MDGA1: variants seen among roughly 807,000 people sequenced by gnomAD.
MDGA1 encodes the protein MAM domain-containing glycosylphosphatidylinositol anchor protein 1.
Under a neutral mutation model 101.5 loss-of-function variants are expected in MDGA1, and 54 were observed. That is an observed-to-expected ratio of 0.53 (90% CI 0.43 to 0.67). The LOEUF (loss-of-function observed/expected upper bound fraction) is 0.67. MDGA1 is among the 30% of genes least tolerant of loss of function. The pLI is 0.00. For synonymous variants in MDGA1, 533 were observed against 558.3 expected (o/e 0.95, Z 0.64); for missense variants, 1,083 against 1,323.8 (o/e 0.82, Z 2.82).
chr6:37,642,014 A>T (rs1172852819), intron 14 of MDGA1: 1 of 152,132 alleles, frequency 6.6e-6, no homozygotes, highest in Non-Finnish European at 1.5e-5. Flanking sequence ...GTCTACCATT[A>T]CGGCTGAGGA....
rs78330316 is a variant in MDGA1, at chr6:37,678,369, C to T, written c.68-14263G>A. On this transcript the variant is annotated intron_variant, in intron 1 of 16. Coordinates refer to ENST00000434837, the MANE Select transcript of MDGA1 (RefSeq NM_153487.4). Reference sequence around the variant, plus strand: ...GATGCCACCCTAGTCTTAGCCCCCACTCCCGAGGCCTGCCTGGCTTGTGAC... The same window carrying T: ...GATGCCACCCTAGTCTTAGCCCCCATTCCCGAGGCCTGCCTGGCTTGTGAC... 5.7e-3 allele frequency among the ~76,000 whole-genome samples: 865 copies of T among 152,262 alleles called. 13 individuals are homozygous for T. The highest frequency in any genetic ancestry group is 0.02 in the African/African-American group (816 of 41,542).
In MDGA1 at chr6:37,636,723, G is replaced by C. The variant is rs562691323; in HGVS notation, c.*645C>G. The C allele has an allele frequency of 6.5e-6, 1 of 152,718 alleles. No homozygotes were observed. The highest frequency in any genetic ancestry group is 1.5e-5 in the Non-Finnish European group (1 of 68,098). 9.5% of individuals were successfully genotyped at this position (152,718 alleles called of 1,614,324 possible). A position where few individuals can be genotyped will look rare whatever the true frequency, so the allele number is the denominator to read the frequency against. On this transcript the variant is annotated 3_prime_UTR_variant, in exon 17 of 17. Transcript: ENST00000434837. Reference sequence around the variant, plus strand: ...CCCAGAAATAGGTCAAGGAATCTGGGGTGACCTATGGTCTCCACCATCCAG... The same window carrying C: ...CCCAGAAATAGGTCAAGGAATCTGGCGTGACCTATGGTCTCCACCATCCAG...
chr6:37,648,576 G>A, intron 9 of MDGA1: 1 of 232,512 alleles, frequency 4.3e-6, no homozygotes, highest in Non-Finnish European at 8.3e-6. Context: ...GGTGCTGGTA[G>A]AGAGGCGAAG....
intron 1 of MDGA1, among the ~76,000 whole-genome samples, chr6:37,689,721 T>A (rs1561865404): frequency 6.6e-6 from 1 of 152,318 alleles, no homozygotes; most frequent in East Asian, 1.9e-4. Context: ...GTTCAACCTG[T>A]TATCACTGTG....
intron 1 of MDGA1, among the ~76,000 whole-genome samples, chr6:37,684,294 C>A (rs1762154145): frequency 6.6e-6 from 1 of 152,208 alleles, no homozygotes; most frequent in Admixed American, 6.5e-5. Context: ...CACCTTCCTA[C>A]CCACAAGGGC....
At chr6:37,676,902 GAA>G (rs564072339) in intron 1 of MDGA1, among the ~76,000 whole-genome samples, 1 of 71,466 alleles carries the variant, frequency 1.4e-5, no homozygotes, top group Non-Finnish European at 2.8e-5. Flanking sequence ...CATCTCAACA[GAA>G]AAAAAAAAAA....
At position 37,649,131 on chromosome 6, in the gene MDGA1, A is replaced by G. The variant is rs950618708; in HGVS notation, c.1745T>C (p.Leu582Pro). 7.3e-6 allele frequency: 11 copies of G among 1,513,690 alleles called. No individual in the cohort carries two copies. In the Admixed American group the frequency reaches 8.4e-5, roughly 12 times the overall value. The allele number at this position is 1,513,690 out of a possible 1,614,324, so 93.8% of individuals were successfully genotyped here. Residue 582 changes from leucine (L) to proline (P), a missense_variant, in exon 9 of 17, where the codon CTG (leucine) becomes CCG (proline). Transcript: ENST00000434837. ...SAVWRFKGQLLPPPPVVPAAA... is the reference protein window; with the variant it reads ...SAVWRFKGQLPPPPPVVPAAA... ...GGCGGGAACAACAGGCGGCGGCGGC[A>G]GCAGCTGCCCTTTGAAACGCCACAC...
At chr6:37,645,397 G>A (rs949585809) in intron 12 of MDGA1, among the ~76,000 whole-genome samples, 4 of 152,238 alleles carry the variant, frequency 2.6e-5, no homozygotes, top group South Asian at 2.1e-4. Context: ...AGCCAGGTGC[G>A]GTGGCACATG....
chr6:37,690,856 G>A (rs1762295081), intron 1 of MDGA1, among the ~76,000 whole-genome samples: 1 of 151,010 alleles, frequency 6.6e-6, no homozygotes. Context: ...CAACTGAACA[G>A]CTCACGAACT....
intron 1 of MDGA1, 140 bp from the exon 2 acceptor site, chr6:37,664,246 G>T: frequency 9.4e-7 from 1 of 1,065,468 alleles, no homozygotes; most frequent in Non-Finnish European, 1.4e-6. Context: ...ACCCCACTGA[G>T]CCCAGGAAAG....
chr6:37,643,777 C>T (rs1764149751), intron 14 of MDGA1, 32 bp downstream of exon 14: 1 of 1,612,514 alleles, frequency 6.2e-7, no homozygotes, highest in African/African-American at 1.3e-5. Flanking sequence ...CCAGCACACA[C>T]TTGGTGGAGA....
In MDGA1 at chr6:37,631,961, C is replaced by G. The variant is rs1763830186; in HGVS notation, c.*5407G>C. 1.3e-5 allele frequency: 2 copies of G among 152,170 alleles called. No individual in the cohort carries two copies. The highest frequency in any genetic ancestry group is 4.8e-5 in the African/African-American group (2 of 41,406). 9.4% of individuals were successfully genotyped at this position (152,170 alleles called of 1,614,324 possible). A position where few individuals can be genotyped will look rare whatever the true frequency, so the allele number is the denominator to read the frequency against. ...CCGAGAAGGGAAAATGGCATTTCAA[C>G]CACCATACCAACTTTAGTCCTCCTC... On this transcript the variant is annotated 3_prime_UTR_variant, in exon 17 of 17. Coordinates refer to ENST00000434837, the MANE Select transcript of MDGA1 (RefSeq NM_153487.4).
chr6:37,660,309 C>A (rs1023739029), intron 2 of MDGA1, among the ~76,000 whole-genome samples: 1 of 151,968 alleles, frequency 6.6e-6, no homozygotes, highest in Admixed American at 6.6e-5. Flanking sequence ...AGCCACTGCA[C>A]CTGGTCCTTC....
chr6:37,642,179 C>CTTTTTTTT (rs34171567), intron 14 of MDGA1, among the ~76,000 whole-genome samples: 1 of 109,348 alleles, frequency 9.1e-6, no homozygotes, highest in Non-Finnish European at 1.8e-5. Flanking sequence ...TGGTTTCTTT[C>CTTTTTTTT]TTTTTTTTTT....
rs182538706 is a variant in MDGA1, at chr6:37,650,523, A to G, written c.1313-118T>C. 4.4e-4 allele frequency: 496 copies of G among 1,117,576 alleles called. No homozygotes were observed. In the African/African-American group the frequency reaches 6.6e-3, roughly 15 times the overall value. 69.2% of individuals were successfully genotyped at this position (1,117,576 alleles called of 1,614,324 possible). On this transcript the variant is annotated intron_variant, in intron 7 of 16. Coordinates refer to ENST00000434837, the MANE Select transcript of MDGA1 (RefSeq NM_153487.4). ...GGGGCAAGCCTCTCTCTCCCATCCC[A>G]GACTTCCGACTGGTCCCCCAGTATT...
At chr6:37,649,345 G>A (rs116499511) in intron 8 of MDGA1, 79 bp from the exon 9 acceptor site, 1 of 1,404,600 alleles carries the variant, frequency 7.1e-7, no homozygotes, top group Non-Finnish European at 9.2e-7. Flanking sequence ...GAGGCAACGC[G>A]CTCGCCTCTA....
Position 37,649,234 on chromosome 6 carries a change from C to A in MDGA1, c.1642G>T (p.Val548Leu), listed in dbSNP as rs913385156. The stretch of plus-strand genomic sequence containing the variant: ...ACGGGCCGGCCCAGCGCCTGGCGCA[C>A]GTCCTGGGAACTGGGCTCCACCTCC... ...PPEVEPSSQD[V>L]RQALGRPVLL... Residue 548 changes from valine (V) to leucine (L), a missense_variant, in exon 9 of 17, where the codon GTG becomes TTG. By Grantham distance (32) the Val-to-Leu change is conservative. Around this residue, in one of 3 missense-constraint regions of MDGA1, gnomAD observed 657 missense variants for 771.4 expected, o/e 0.85. Transcript: ENST00000434837. 6.6e-7 allele frequency: 1 copy of A among 1,507,906 alleles called. No homozygotes were observed. Among genetic ancestry groups the A allele is most frequent in the Non-Finnish European group, 8.8e-7 (1 of 1,136,308 alleles). 93.4% of individuals were successfully genotyped at this position (1,507,906 alleles called of 1,614,324 possible).
intron 1 of MDGA1, among the ~76,000 whole-genome samples, chr6:37,668,105 G>T (rs72847482): frequency 0.081 from 12,289 of 152,050 alleles, 661 homozygotes; most frequent in Middle Eastern, 0.12. Flanking sequence ...GCAAAAATTA[G>T]CCAGGCATGG....
intron 1 of MDGA1, among the ~76,000 whole-genome samples, chr6:37,676,863 C>T (rs919036537): frequency 2.0e-5 from 3 of 150,196 alleles, no homozygotes; most frequent in African/African-American, 4.9e-5. Context: ...TGCCATTGCA[C>T]TCCAGCCTGG....
Sources: gnomAD v4.1 joint callset for allele counts (sites outside exome capture counted in the v4.1 genomes callset) on GRCh38, gnomAD v4.1.1 for gene constraint, gnomAD v4.1.1 regional missense constraint, MANE v1.5 for transcripts, NCBI Gene and HGNC (gene_info 2026-07-23, HGNC 2026-07-21) for gene names.